Variants in TAF1 observed in about 807,000 individuals in gnomAD.
TAF1 encodes the protein transcription initiation factor TFIID subunit 1.
Under a neutral mutation model 138.5 loss-of-function variants are expected in TAF1, and 2 were observed. The ratio of observed to expected loss-of-function variants is 0.01; its 90% CI spans 0.01 to 0.05. The LOEUF (loss-of-function observed/expected upper bound fraction) is 0.05, where lower values mean the gene tolerates loss of function less well. TAF1 is among the 10% of genes least tolerant of loss of function. The probability of loss-of-function intolerance (pLI) is 1.00; values close to 1 mark genes in which losing one functional copy is unlikely to be tolerated. For synonymous variants in TAF1, 437 were observed against 503.2 expected, an observed-to-expected ratio of 0.87 and a Z score of 1.76; for missense variants, 709 against 1,478.0, an observed-to-expected ratio of 0.48 and a Z score of 8.53.
intron 13 of TAF1, among the ~76,000 whole-genome samples, chrX:71,494,890 G>A (rs2039368270): frequency 8.9e-6 from 1 of 112,104 alleles, no homozygotes; most frequent in African/African-American, 3.2e-5. Context: ...CCCTTATTTG[G>A]CCCTGCCCAC....
chrX:71,368,232 T>G (rs2032718475), intron 3 of TAF1, 62 bp downstream of exon 3: 2 of 1,106,792 alleles, frequency 1.8e-6, no homozygotes. Context: ...TAGTCCAGTT[T>G]GGGCTCTGGT....
intron 24 of TAF1, among the ~76,000 whole-genome samples, chrX:71,400,440 G>A (rs776424420): frequency 2.7e-5 from 3 of 111,928 alleles, no homozygotes; most frequent in Non-Finnish European, 5.6e-5. Context: ...TTGTCTGTGT[G>A]TATATATTTT....
chrX:71,407,696 T>A (rs1384952914), intron 27 of TAF1, 24 bp downstream of exon 27: 1 of 1,176,696 alleles, frequency 8.5e-7, no homozygotes, highest in Admixed American at 2.2e-5. Flanking sequence ...ATTGGATATC[T>A]ATAGTAGGGA....
Position 71,454,860 on chromosome X carries a change from G to A in TAF1, c.4938+3G>A, listed in dbSNP as rs763922315. 7 of 1,202,096 alleles carry A rather than the reference G, an allele frequency of 5.8e-6. No homozygotes were observed. The highest frequency in any genetic ancestry group is 6.7e-6 in the Non-Finnish European group (6 of 889,143). ...CCCCAGGGCCCTACACGCCTCAGGT[G>A]AGTCTGAGGACTAAGTACTTCCTCA... On this transcript the variant is annotated splice_donor_region_variant and intron_variant, in intron 34 of 37. Coordinates refer to ENST00000423759, the MANE Select transcript of TAF1 (RefSeq NM_004606.5).
intron 24 of TAF1, among the ~76,000 whole-genome samples, chrX:71,401,172 A>G (rs184774926): frequency 2.2e-4 from 25 of 112,225 alleles, no homozygotes; most frequent in African/African-American, 6.5e-4. Context: ...ATTTCCATAC[A>G]TGCAGATTTG....
At chrX:71,495,046 C>G (rs1002537274) in intron 13 of TAF1, among the ~76,000 whole-genome samples, 4 of 111,698 alleles carry the variant, frequency 3.6e-5, no homozygotes, top group Non-Finnish European at 7.5e-5. Flanking sequence ...TTCTCCAAGT[C>G]CCCACTCGAC....
chrX:71,438,254 A>G (rs905869401), intron 32 of TAF1, among the ~76,000 whole-genome samples: 2 of 111,689 alleles, frequency 1.8e-5, no homozygotes, highest in African/African-American at 3.2e-5. Context: ...CAGAAACTCT[A>G]TACCCCTTAC....
At chrX:71,380,207 TTCTC>T (rs1394816532) in intron 8 of TAF1, among the ~76,000 whole-genome samples, 1 of 110,803 alleles carries the variant, frequency 9.0e-6, no homozygotes, top group Non-Finnish European at 1.9e-5. Flanking sequence ...CTAAATATTT[TTCTC>T]TCTTTCATTT....
intron 18 of TAF1, 147 bp from the exon 19 acceptor site, chrX:71,392,422 C>T: frequency 1.4e-6 from 1 of 700,263 alleles, no homozygotes; most frequent in Non-Finnish European, 1.9e-6. Context: ...TTTTTGTGGA[C>T]AGTTTAAGAG....
intron 32 of TAF1, among the ~76,000 whole-genome samples, chrX:71,449,024 C>T (rs1197683743): frequency 4.7e-5 from 5 of 107,076 alleles, no homozygotes; most frequent in African/African-American, 1.4e-4. Flanking sequence ...GTTTTGAGAG[C>T]TCTTGTTGCC....
chrX:71,481,430 T>G (rs780047336), intron 13 of TAF1, among the ~76,000 whole-genome samples: 1 of 112,668 alleles, frequency 8.9e-6, no homozygotes, highest in East Asian at 2.8e-4. Context: ...TCATAATGGA[T>G]CTTTGATTTG....
intron 22 of TAF1, among the ~76,000 whole-genome samples, chrX:71,395,238 C>G (rs186169141): frequency 8.9e-6 from 1 of 111,746 alleles, no homozygotes; most frequent in East Asian, 2.8e-4. Context: ...GTCTGACATG[C>G]TGGCTCATGC....
intron 19 of TAF1, 62 bp downstream of exon 19, chrX:71,392,780 G>A (rs2034634433): frequency 8.4e-7 from 1 of 1,189,528 alleles, no homozygotes; most frequent in African/African-American, 1.8e-5. Context: ...GTGAGTGGAG[G>A]ACTTGGAATG....
At chrX:71,378,778 A>C in intron 7 of TAF1, 46 bp from the exon 8 acceptor site, 2 of 1,159,967 alleles carry the variant, frequency 1.7e-6, no homozygotes, top group Non-Finnish European at 2.4e-6. Flanking sequence ...GGAAACCTTG[A>C]CCAGTGACCA....
chrX:71,379,863 A>G (rs986685308), intron 8 of TAF1, among the ~76,000 whole-genome samples: 1 of 111,288 alleles, frequency 9.0e-6, no homozygotes, highest in Admixed American at 9.6e-5. Flanking sequence ...CAGCCTCCCA[A>G]AGTGCTGGGA....
At chrX:71,404,375 G>A (rs1413525865) in intron 25 of TAF1, among the ~76,000 whole-genome samples, 2 of 108,424 alleles carry the variant, frequency 1.8e-5, no homozygotes, top group East Asian at 3.0e-4. Context: ...TTTTTGAGAC[G>A]GAGTCTTGCT....
chrX:71,374,091 C>CTT (rs57625882), intron 3 of TAF1, among the ~76,000 whole-genome samples: 1 of 104,316 alleles, frequency 9.6e-6, no homozygotes, highest in African/African-American at 3.4e-5. Context: ...TTCTTTCTTT[C>CTT]TTTTTTTTTT....
At chrX:71,445,228 A>G (rs2037633470) in intron 32 of TAF1, among the ~76,000 whole-genome samples, 1 of 100,759 alleles carries the variant, frequency 9.9e-6, no homozygotes, top group Non-Finnish European at 2.0e-5. Context: ...TGAACCTGGG[A>G]GGTGGAGGTT....
chrX:71,421,558 A>G (rs1414683520), intron 29 of TAF1, among the ~76,000 whole-genome samples, 182 bp downstream of exon 29: 1 of 111,680 alleles, frequency 9.0e-6, no homozygotes, highest in African/African-American at 3.3e-5. Context: ...GTAGATGGAA[A>G]AACTGGGCCC....
Sources: gnomAD v4.1 joint callset for allele counts (sites outside exome capture counted in the v4.1 genomes callset) on GRCh38, gnomAD v4.1.1 for gene constraint, MANE v1.5 for transcripts, NCBI Gene and HGNC (gene_info 2026-07-23, HGNC 2026-07-21) for gene names.